Variants in EXD1 observed in about 807,000 individuals in gnomAD.
EXD1 encodes piRNA biogenesis protein EXD1.
In EXD1, 63 loss-of-function variants were observed where a neutral mutation model predicts 49.1. The observed-to-expected ratio is 1.28, with a 90% confidence interval of 1.05 to 1.58. The LOEUF is 1.58. Among genes scored for constraint, EXD1 ranks in the 40% most tolerant of loss-of-function variants. The probability of loss-of-function intolerance (pLI) is 0.00; values close to 1 mark genes in which losing one functional copy is unlikely to be tolerated. For synonymous variants in EXD1, 234 were observed against 239.2 expected (o/e 0.98, Z 0.20); for missense variants, 748 against 666.0 (o/e 1.12, Z -1.36).
chr15:41,184,888 C>T (rs1018043904), intron 11 of EXD1, among the ~76,000 whole-genome samples: 3 of 152,092 alleles, frequency 2.0e-5, no homozygotes, highest in Non-Finnish European at 4.4e-5. Flanking sequence ...GATCTCCTGA[C>T]CTCGTGATCC....
chr15:41,203,916 CAAAAAAAAAAAAA>C lies in EXD1; in HGVS notation c.534+5572_534+5584del, dbSNP rs1187093511. Among the ~76,000 whole-genome samples, 8 of 23,244 alleles carry C rather than the reference CAAAAAAAAAAAAA, an allele frequency of 3.4e-4. No individual in the cohort carries two copies. The East Asian group carries it at 7.6e-3, about 22-fold the overall frequency. The allele number at this position is 23,244 out of a possible 152,430, so 15.2% of individuals were successfully genotyped here. A position where few individuals can be genotyped will look rare whatever the true frequency, so the allele number is the denominator to read the frequency against. ...TGGGCAAAAGAGCAAGACTTCTCCTCAAAAAAAAAAAAAAAAAAAAAAAAAAAACCCTAAAAAT... is the reference window on the plus strand; with the variant it reads ...TGGGCAAAAGAGCAAGACTTCTCCTCAAAAAAAAAAAAAAACCCTAAAAAT... On this transcript the variant is annotated intron_variant, in intron 7 of 11. Transcript: ENST00000458580.
intron 6 of EXD1, among the ~76,000 whole-genome samples, chr15:41,215,251 A>C (rs2046982264): frequency 6.6e-6 from 1 of 152,226 alleles, no homozygotes; most frequent in Non-Finnish European, 1.5e-5. Flanking sequence ...CTTGCATTAG[A>C]ATATAAGCTC....
chr15:41,192,536 C>T (rs1314311523), intron 9 of EXD1, among the ~76,000 whole-genome samples: 1 of 148,960 alleles, frequency 6.7e-6, no homozygotes, highest in African/African-American at 2.5e-5. Flanking sequence ...ACCTCGTGAT[C>T]CGCCCGCCTT....
chr15:41,230,749 G>T lies in EXD1; in HGVS notation c.-324C>A. 1 of 581,384 alleles carries T rather than the reference G, an allele frequency of 1.7e-6. No individual in the cohort carries two copies. Among genetic ancestry groups the T allele is most frequent in the Non-Finnish European group, 3.0e-6 (1 of 332,444 alleles). The allele number at this position is 581,384 out of a possible 1,614,324, so 36.0% of individuals were successfully genotyped here. ...CGACGCCCGCCCGGCCCAACGTCCA[G>T]TCTCGTCTGTTTCCCGAGGAGCCAA... is the stretch of plus-strand genomic sequence containing the variant. On this transcript the variant is annotated 5_prime_UTR_variant, in exon 1 of 12. It adds an upstream start codon to the 5' untranslated region. Coordinates refer to ENST00000458580, the MANE Select transcript of EXD1 (RefSeq NM_001286441.2).
rs146465419 is a variant in EXD1 at position 41,227,878 on chromosome 15, C to T, written c.-53-1250G>A. The stretch of plus-strand genomic sequence containing the variant: ...CAGCCTGACCAACATGGTGAAACCC[C>T]GTCTCTACTAAAAACACAAAAATTA... On this transcript the variant is annotated intron_variant, in intron 1 of 11. Transcript: ENST00000458580. Among the ~76,000 whole-genome samples the T allele has an allele frequency of 5.6e-3, 848 of 151,890 alleles. 13 individuals are homozygous for T. The highest frequency in any genetic ancestry group is 0.019 in the African/African-American group (790 of 41,390).
At chr15:41,203,504 C>A (rs1253575302) in intron 7 of EXD1, among the ~76,000 whole-genome samples, 2 of 152,158 alleles carry the variant, frequency 1.3e-5, no homozygotes, top group Non-Finnish European at 2.9e-5. Flanking sequence ...TTTCTCTGAC[C>A]TTCAGCCCTG....
At chr15:41,190,513 T>C (rs2046496701) in intron 10 of EXD1, 1 of 283,874 alleles carries the variant, frequency 3.5e-6, no homozygotes, top group Non-Finnish European at 6.9e-6. Flanking sequence ...AAAAGAACTG[T>C]TTAAAGTATT....
intron 7 of EXD1, among the ~76,000 whole-genome samples, chr15:41,197,293 T>C (rs576547000): frequency 6.6e-6 from 1 of 150,746 alleles, no homozygotes; most frequent in Admixed American, 6.7e-5. Flanking sequence ...AGTGGCACGA[T>C]CTCGACTCAC....
chr15:41,230,620 G>C lies in EXD1; in HGVS notation c.-195C>G. 6.6e-7 allele frequency: 1 copy of C among 1,512,778 alleles called. No homozygotes were observed. The highest frequency in any genetic ancestry group is 9.1e-7 in the Non-Finnish European group (1 of 1,097,834). The allele number at this position is 1,512,778 out of a possible 1,614,324, so 93.7% of individuals were successfully genotyped here. On this transcript the variant is annotated 5_prime_UTR_variant, in exon 1 of 12. Coordinates refer to ENST00000458580, the MANE Select transcript of EXD1 (RefSeq NM_001286441.2). ...CTAAAAGAAGAGGGGCTGCAATGAA[G>C]GAAGAAGTCTCGGGACGCTCCACGC...
chr15:41,218,151 C>T (rs1383040577), intron 3 of EXD1, among the ~76,000 whole-genome samples: 1 of 152,078 alleles, frequency 6.6e-6, no homozygotes, highest in Non-Finnish European at 1.5e-5. Context: ...TCGAGACCAG[C>T]CTGGCCAACA....
chr15:41,218,936 C>G (rs767647330), intron 3 of EXD1, among the ~76,000 whole-genome samples: 6 of 152,100 alleles, frequency 3.9e-5, no homozygotes, highest in Non-Finnish European at 5.9e-5. Context: ...CAGTAGTAAA[C>G]TCTCATTTAC....
chr15:41,225,587 GAA>G (rs57943891), intron 2 of EXD1, among the ~76,000 whole-genome samples: 2,169 of 137,242 alleles, frequency 0.016, 61 homozygotes, highest in African/African-American at 0.052. Flanking sequence ...CTCATTCTCA[GAA>G]AAAAAAAAAA....
chr15:41,193,292 A>G (rs1329190419), intron 9 of EXD1, among the ~76,000 whole-genome samples: 2 of 152,176 alleles, frequency 1.3e-5, no homozygotes, highest in Non-Finnish European at 2.9e-5. Context: ...CCTTTAGGGA[A>G]TCAAGAAAGG....
chr15:41,214,763 TG>T (rs1337142811), intron 6 of EXD1, among the ~76,000 whole-genome samples: 3 of 151,988 alleles, frequency 2.0e-5, no homozygotes, highest in Admixed American at 6.6e-5. Context: ...TTTTTTTTTT[TG>T]AGATGGAGTC....
chr15:41,193,999 A>ATT lies in EXD1; in HGVS notation c.720+1774_720+1775dup, dbSNP rs747194413. 7.1e-4 allele frequency among the ~76,000 whole-genome samples: 59 copies of ATT among 82,934 alleles called. 1 individual carries two copies. Among genetic ancestry groups the ATT allele is most frequent in the Non-Finnish European group, 1.0e-3 (46 of 45,476 alleles). The allele number at this position is 82,934 out of a possible 152,430, so 54.4% of individuals were successfully genotyped here. A position where few individuals can be genotyped will look rare whatever the true frequency, so the allele number is the denominator to read the frequency against. ...TAGGCCCTAAATGGAATGACAAGTG[A>ATT]TTTTTTTTTTTTTTTTTTTTTTTTT... On this transcript the variant is annotated intron_variant, in intron 9 of 11. Coordinates refer to ENST00000458580, the MANE Select transcript of EXD1 (RefSeq NM_001286441.2).
At chr15:41,200,276 A>G (rs1462269418) in intron 7 of EXD1, among the ~76,000 whole-genome samples, 3 of 152,048 alleles carry the variant, frequency 2.0e-5, no homozygotes, top group Non-Finnish European at 4.4e-5. Context: ...TAATCTTAGC[A>G]CCTTGGGAGG....
Position 41,184,274 on chromosome 15 carries a change from C to G in EXD1, c.1376G>C (p.Gly459Ala), listed in dbSNP as rs143293058. Residue 459 changes from glycine to alanine, a missense_variant, in exon 12 of 12, where the codon GGG becomes GCG. Gly to Ala is a moderately conservative substitution (Grantham distance 60, BLOSUM62 0). Coordinates refer to ENST00000458580, the MANE Select transcript of EXD1 (RefSeq NM_001286441.2). ...GTTACTGGAATCCTCACTGGTTTCC[C>G]CTTCCTCTGTGGGAGGTAGATGTTG... ...NPQHLPPTEE[G>A]ETSEDSSNKL... The G allele has an allele frequency of 1.3e-4, 211 of 1,614,116 alleles. No individual in the cohort carries two copies. The African/African-American group carries it at 2.5e-3, about 19-fold the overall frequency.
At chr15:41,221,808 A>G (rs1176744539) in intron 2 of EXD1, among the ~76,000 whole-genome samples, 1 of 152,020 alleles carries the variant, frequency 6.6e-6, no homozygotes, top group Non-Finnish European at 1.5e-5. Context: ...TCAACTAAGA[A>G]CAGACTTACT....
chr15:41,196,626 T>G (rs181096523), intron 7 of EXD1, among the ~76,000 whole-genome samples: 347 of 151,752 alleles, frequency 2.3e-3, no homozygotes, highest in Non-Finnish European at 4.4e-3. Context: ...AGAAAGGGTT[T>G]CACCATATTG....
Sources: allele counts gnomAD v4.1 joint callset (sites outside exome capture counted in the v4.1 genomes callset), GRCh38; gene constraint gnomAD v4.1.1; transcripts MANE v1.5; gene names NCBI Gene and HGNC (gene_info 2026-07-23, HGNC 2026-07-21).